MACROD2: variants seen among roughly 807,000 people sequenced by gnomAD.
The protein encoded by MACROD2 is mono-ADP ribosylhydrolase 2.
A neutral mutation model predicts 70.4 loss-of-function variants in MACROD2; 36 were observed. The observed-to-expected ratio is 0.51, with a 90% confidence interval of 0.39 to 0.68. The LOEUF (loss-of-function observed/expected upper bound fraction) is 0.68. Among genes scored for constraint, MACROD2 ranks in the 30% least tolerant of loss-of-function variants. The pLI, the probability that MACROD2 is intolerant of heterozygous loss-of-function variation, is 0.00. For synonymous variants in MACROD2, 172 were observed against 178.8 expected (o/e 0.96, Z 0.30); for missense variants, 496 against 538.4 (o/e 0.92, Z 0.78).
At chr20:14,424,457 T>C (rs890051551) in intron 3 of MACROD2, among the ~76,000 whole-genome samples, 2 of 152,202 alleles carry the variant, frequency 1.3e-5, no homozygotes, top group African/African-American at 4.8e-5. Flanking sequence ...TCTGTCCACA[T>C]TTTTAGAGTT....
At chr20:15,021,723 A>G (rs1205573637) in intron 5 of MACROD2, 1 of 150,994 alleles carries the variant, frequency 6.6e-6, no homozygotes, top group East Asian at 1.9e-4. Flanking sequence ...GCTGGGTGGA[A>G]CTAATAGTAG....
At chr20:15,600,643 A>T (rs1371495897) in intron 8 of MACROD2, among the ~76,000 whole-genome samples, 1 of 152,240 alleles carries the variant, frequency 6.6e-6, no homozygotes, top group Non-Finnish European at 1.5e-5. Context: ...TTTAGCAAAA[A>T]GCCTGGGGAG....
chr20:15,306,819 G>A (rs1051589226), intron 6 of MACROD2, among the ~76,000 whole-genome samples: 2 of 152,126 alleles, frequency 1.3e-5, no homozygotes, highest in African/African-American at 2.4e-5. Context: ...AGTCCATGTT[G>A]TGTTGCTATA....
At chr20:15,454,345 A>G (rs2046686785) in intron 7 of MACROD2, among the ~76,000 whole-genome samples, 1 of 151,234 alleles carries the variant, frequency 6.6e-6, no homozygotes, top group Non-Finnish European at 1.5e-5. Context: ...CTGCCCTAAC[A>G]CTGCCTTCCC....
In MACROD2 at chr20:15,828,045, G is replaced by A. The variant is rs143714223; in HGVS notation, c.646-34700G>A. Reference sequence around the variant, plus strand: ...TGCTTCAGTTAGACAGGAGGAATAAGTTCTGGAGGTCTATTGTACAGAATG... The same window carrying A: ...TGCTTCAGTTAGACAGGAGGAATAAATTCTGGAGGTCTATTGTACAGAATG... On this transcript the variant is annotated intron_variant, in intron 8 of 17. Transcript: ENST00000684519. Among the ~76,000 whole-genome samples, 625 of 152,292 alleles carry A rather than the reference G, an allele frequency of 4.1e-3. 1 individual carries two copies. Among genetic ancestry groups the A allele is most frequent in the Admixed American group, 5.7e-3 (87 of 15,280 alleles).
intron 5 of MACROD2, among the ~76,000 whole-genome samples, chr20:15,157,208 A>T (rs772032763): frequency 5.9e-5 from 9 of 152,106 alleles, no homozygotes; most frequent in Non-Finnish European, 1.0e-4. Flanking sequence ...CTTGTGAGGA[A>T]CGGCTCTCTG....
At chr20:14,802,149 A>C (rs750780299) in intron 5 of MACROD2, among the ~76,000 whole-genome samples, 1 of 152,084 alleles carries the variant, frequency 6.6e-6, no homozygotes, top group Non-Finnish European at 1.5e-5. Flanking sequence ...CTGCAGAAGA[A>C]GCCTGAGACA....
intron 2 of MACROD2, among the ~76,000 whole-genome samples, chr20:14,015,622 C>T (rs1309486771): frequency 2.0e-5 from 3 of 152,190 alleles, no homozygotes; most frequent in Admixed American, 1.3e-4. Context: ...ACCCATTAAA[C>T]AATATCTACA....
rs554452403 is a variant in MACROD2, at chr20:15,584,661, A to T, written c.645+84814A>T. 3.9e-5 allele frequency among the ~76,000 whole-genome samples: 6 copies of T among 152,278 alleles called. No individual in the cohort carries two copies. In the South Asian group the frequency reaches 1.2e-3, roughly 32 times the overall value. Reference sequence around the variant, plus strand: ...TCACATCAGACACACACGTTTCTTCATGTTCCCTTCCTTGCGTAGTGTACC... The same window carrying T: ...TCACATCAGACACACACGTTTCTTCTTGTTCCCTTCCTTGCGTAGTGTACC... On this transcript the variant is annotated intron_variant, in intron 8 of 17. Coordinates refer to ENST00000684519, the MANE Select transcript of MACROD2 (RefSeq NM_001351661.2).
rs1009601995 is a variant in MACROD2 at position 15,055,451 on chromosome 20, G to T, written c.419-174489G>T. 6.6e-5 allele frequency among the ~76,000 whole-genome samples: 10 copies of T among 152,224 alleles called. No individual in the cohort carries two copies. In the South Asian group the frequency reaches 1.5e-3, roughly 22 times the overall value. On this transcript the variant is annotated intron_variant, in intron 5 of 17. Coordinates refer to ENST00000684519, the MANE Select transcript of MACROD2 (RefSeq NM_001351661.2). ...AGCATGAAGGTTGAGTGAGATTATT[G>T]TCTCTGGTTCAGAAGTGGCCTAATG...
intron 5 of MACROD2, among the ~76,000 whole-genome samples, chr20:15,003,347 C>G (rs753073014): frequency 2.0e-5 from 3 of 152,244 alleles, no homozygotes; most frequent in Middle Eastern, 3.4e-3. Context: ...TTATTAAGGG[C>G]CTTCTAGCTT....
At chr20:15,289,136 G>T (rs2077519388) in intron 6 of MACROD2, among the ~76,000 whole-genome samples, 1 of 152,140 alleles carries the variant, frequency 6.6e-6, no homozygotes, top group East Asian at 1.9e-4. Flanking sequence ...GGTCTTAAAA[G>T]AATTAATATG....
chr20:14,056,645 AT>A (rs5840592), intron 2 of MACROD2, among the ~76,000 whole-genome samples: 22,969 of 151,862 alleles, frequency 0.15, 1,929 homozygotes, highest in Admixed American at 0.22. Context: ...TGTGTTTACA[AT>A]TGTTATTTTC....
chr20:15,526,566 ATATGT>A (rs1175229431), intron 8 of MACROD2, among the ~76,000 whole-genome samples: 1 of 152,188 alleles, frequency 6.6e-6, no homozygotes, highest in Non-Finnish European at 1.5e-5. Context: ...AGTAGACAGG[ATATGT>A]TTATAGAACA....
chr20:14,856,653 G>A (rs1368536307), intron 5 of MACROD2, among the ~76,000 whole-genome samples: 1 of 152,118 alleles, frequency 6.6e-6, no homozygotes, highest in African/African-American at 2.4e-5. Context: ...TAACCCAGGG[G>A]TGGTGTGAAA....
At chr20:15,506,997 G>A (rs1421423965) in intron 8 of MACROD2, among the ~76,000 whole-genome samples, 1 of 152,182 alleles carries the variant, frequency 6.6e-6, no homozygotes, top group African/African-American at 2.4e-5. Flanking sequence ...ATCCTATGCA[G>A]TAATGTGGTT....
chr20:15,813,815 A>G (rs2063845065), intron 8 of MACROD2, among the ~76,000 whole-genome samples: 1 of 152,156 alleles, frequency 6.6e-6, no homozygotes, highest in Admixed American at 6.5e-5. Flanking sequence ...TGAACTTCAG[A>G]TGTTTTAATA....
intron 17 of MACROD2, among the ~76,000 whole-genome samples, chr20:16,048,842 A>G (rs1309524044): frequency 6.6e-6 from 1 of 152,244 alleles, no homozygotes; most frequent in Non-Finnish European, 1.5e-5. Context: ...TATTCACAAA[A>G]GCCTTGTACA....
At chr20:14,010,424 A>G (rs1050464055) in intron 2 of MACROD2, among the ~76,000 whole-genome samples, 7 of 152,110 alleles carry the variant, frequency 4.6e-5, no homozygotes, top group African/African-American at 1.4e-4. Flanking sequence ...AGGGGGAGGC[A>G]GGCATGCGTG....
Sources: gnomAD v4.1 joint callset for allele counts (sites outside exome capture counted in the v4.1 genomes callset) on GRCh38, gnomAD v4.1.1 for gene constraint, MANE v1.5 for transcripts, NCBI Gene and HGNC (gene_info 2026-07-23, HGNC 2026-07-21) for gene names.